Variants in TRHDE observed in about 807,000 individuals in gnomAD.
The protein encoded by TRHDE is thyrotropin releasing hormone degrading enzyme.
In TRHDE, 72 loss-of-function variants were observed where a neutral mutation model predicts 125.7. That is an observed-to-expected ratio of 0.57 (90% CI 0.47 to 0.70). TRHDE has a LOEUF of 0.70. Ranked by LOEUF, TRHDE falls within the 30% of genes least tolerant of loss-of-function variation. The probability of loss-of-function intolerance (pLI) is 0.00; values close to 1 mark genes in which losing one functional copy is unlikely to be tolerated. For missense variants in TRHDE, 1,110 were observed against 1,327.1 expected (o/e 0.84, Z 2.54); for synonymous variants, 509 against 509.1 (o/e 1.00, Z 0.00).
At chr12:72,486,454 G>A (rs952189282) in intron 5 of TRHDE, among the ~76,000 whole-genome samples, 2 of 152,098 alleles carry the variant, frequency 1.3e-5, no homozygotes, top group Non-Finnish European at 2.9e-5. Flanking sequence ...AGAAGAGAAG[G>A]ATCCCTAAAG....
chr12:72,111,991 A>G (rs898823126), intron 2 of TRHDE, among the ~76,000 whole-genome samples: 2 of 152,122 alleles, frequency 1.3e-5, no homozygotes, highest in African/African-American at 4.8e-5. Flanking sequence ...AAGGAGGTAT[A>G]AAGAAAAAAA....
chr12:72,433,905 A>G (rs1179903541), intron 3 of TRHDE, among the ~76,000 whole-genome samples: 1 of 152,006 alleles, frequency 6.6e-6, no homozygotes, highest in East Asian at 1.9e-4. Context: ...AATTCCTGGA[A>G]GCCTGTCTCT....
At chr12:72,222,736 A>G (rs1433303546) in intron 2 of TRHDE, among the ~76,000 whole-genome samples, 1 of 152,132 alleles carries the variant, frequency 6.6e-6, no homozygotes, top group Admixed American at 6.6e-5. Context: ...GGATTGTTCC[A>G]GACCCCTATC....
intron 18 of TRHDE, among the ~76,000 whole-genome samples, chr12:72,659,269 A>G (rs1338430001): frequency 2.6e-5 from 4 of 152,156 alleles, no homozygotes; most frequent in Non-Finnish European, 5.9e-5. Context: ...GGCTCTAGCA[A>G]TTTGAACAAT....
At chr12:72,638,435 T>C (rs574630378) in intron 15 of TRHDE, among the ~76,000 whole-genome samples, 1 of 151,946 alleles carries the variant, frequency 6.6e-6, no homozygotes, top group Non-Finnish European at 1.5e-5. Flanking sequence ...TACAGCACAC[T>C]GATGGGTCTT....
intron 3 of TRHDE, among the ~76,000 whole-genome samples, chr12:72,419,832 T>G (rs1437041208): frequency 6.6e-6 from 1 of 152,186 alleles, no homozygotes; most frequent in Non-Finnish European, 1.5e-5. Flanking sequence ...AAATAAACAT[T>G]AGTTGCCATG....
At chr12:72,370,870 G>A (rs1269746988) in intron 2 of TRHDE, among the ~76,000 whole-genome samples, 1 of 151,912 alleles carries the variant, frequency 6.6e-6, no homozygotes, top group Non-Finnish European at 1.5e-5. Flanking sequence ...AGCCTCTCAG[G>A]TAGCTGGGAT....
chr12:72,100,313 CT>C (rs1282751446), intron 1 of TRHDE, among the ~76,000 whole-genome samples: 7 of 152,198 alleles, frequency 4.6e-5, no homozygotes, highest in African/African-American at 1.7e-4. Context: ...GCTATGCCCC[CT>C]CGTTACTTCT....
intron 2 of TRHDE, among the ~76,000 whole-genome samples, chr12:72,250,864 T>TATATATATATATATA (rs1415968314): frequency 1.8e-5 from 1 of 54,576 alleles, no homozygotes; most frequent in Non-Finnish European, 5.1e-5. Flanking sequence ...ATATATATAT[T>TATATATATATATATA]TTATTTTTAT....
chr12:72,200,559 CT>C (rs1304496730), intron 2 of TRHDE, among the ~76,000 whole-genome samples: 4 of 152,108 alleles, frequency 2.6e-5, no homozygotes, highest in African/African-American at 9.7e-5. Context: ...CGAGTATTGA[CT>C]GTTGGGAAAC....
chr12:72,350,356 C>T (rs994262071), intron 2 of TRHDE, among the ~76,000 whole-genome samples: 8 of 151,978 alleles, frequency 5.3e-5, no homozygotes. Flanking sequence ...GCGATGATAG[C>T]TCCCACACAT....
chr12:72,234,966 C>G (rs1323878781), intron 2 of TRHDE, among the ~76,000 whole-genome samples: 3 of 152,138 alleles, frequency 2.0e-5, no homozygotes, highest in Non-Finnish European at 4.4e-5. Context: ...CTGCAGAGCT[C>G]AGAGCTATTA....
At chr12:72,310,608 T>G (rs1217374098) in intron 2 of TRHDE, among the ~76,000 whole-genome samples, 1 of 152,082 alleles carries the variant, frequency 6.6e-6, no homozygotes, top group African/African-American at 2.4e-5. Context: ...ATTGGAAATG[T>G]TTTGTCAATT....
rs1002571336 is a variant in TRHDE, at chr12:72,273,525, C to T, written c.882C>T (p.Phe294=). The change falls in exon 1 of 19, where the codon TTC becomes TTT. Residue 294 remains phenylalanine (F), a synonymous_variant. Transcript: ENST00000261180. This position sits in a 1 kb window ranked among gnomAD's most constrained non-coding sequence, Gnocchi z 5.3. ...ALIENELLGF[F]RSSYVLHGER... Reference sequence around the variant, plus strand: ...TCGAGAATGAGCTCCTGGGCTTCTTCCGCAGCTCCTATGTGCTCCACGGGG... The same window carrying T: ...TCGAGAATGAGCTCCTGGGCTTCTTTCGCAGCTCCTATGTGCTCCACGGGG... 6.2e-6 allele frequency: 10 copies of T among 1,605,598 alleles called. No individual in the cohort carries two copies. In the African/African-American group the frequency reaches 1.2e-4, roughly 19 times the overall value.
chr12:72,137,367 C>G (rs1234519470), intron 2 of TRHDE: 1 of 152,150 alleles, frequency 6.6e-6, no homozygotes, highest in African/African-American at 2.4e-5. Context: ...TCAAGGATCC[C>G]CTATATGCTA....
chr12:72,466,086 C>T (rs1438874264), intron 3 of TRHDE, among the ~76,000 whole-genome samples: 3 of 152,094 alleles, frequency 2.0e-5, no homozygotes. Context: ...CTTTCGATAC[C>T]AGTATGTAAC....
chr12:72,331,732 C>T (rs1038157653), intron 2 of TRHDE, among the ~76,000 whole-genome samples: 1 of 152,070 alleles, frequency 6.6e-6, no homozygotes, highest in African/African-American at 2.4e-5. Flanking sequence ...AGAAAAATGG[C>T]CCAACCTAGA....
chr12:72,175,798 A>G (rs1876975908), intron 2 of TRHDE, among the ~76,000 whole-genome samples: 3 of 152,254 alleles, frequency 2.0e-5, no homozygotes, highest in Non-Finnish European at 4.4e-5. Context: ...TGCTACTATG[A>G]TTCTATGAAT....
intron 12 of TRHDE, among the ~76,000 whole-genome samples, chr12:72,586,980 T>G (rs959363395): frequency 1.6e-4 from 24 of 152,230 alleles, no homozygotes; most frequent in African/African-American, 5.3e-4. Context: ...CTGTCAAAAA[T>G]GCCAAAATAA....
Sources: gnomAD v4.1 joint callset for allele counts (sites outside exome capture counted in the v4.1 genomes callset) on GRCh38, gnomAD v4.1.1 for gene constraint, Gnocchi (gnomAD v3.1) non-coding constraint, MANE v1.5 for transcripts, NCBI Gene and HGNC (gene_info 2026-07-23, HGNC 2026-07-21) for gene names.